The following FNBP1L variants were observed in gnomAD, a reference collection of about 807,000 sequenced individuals.
The protein encoded by FNBP1L is formin-binding protein 1-like.
In FNBP1L, 36 loss-of-function variants were observed where a neutral mutation model predicts 91.2. The ratio of observed to expected loss-of-function variants is 0.39; its 90% CI spans 0.30 to 0.52. The LOEUF (loss-of-function observed/expected upper bound fraction) is 0.52, where lower values mean the gene tolerates loss of function less well. Ranked by LOEUF, FNBP1L falls within the 20% of genes least tolerant of loss-of-function variation. FNBP1L has a pLI of 0.66. For synonymous variants in FNBP1L, 242 were observed against 237.0 expected (o/e 1.02, Z -0.19); for missense variants, 571 against 732.1 (o/e 0.78, Z 2.54).
chr1:93,490,443 G>T (rs1670055196), intron 1 of FNBP1L, among the ~76,000 whole-genome samples: 2 of 152,132 alleles, frequency 1.3e-5, no homozygotes, highest in Admixed American at 1.3e-4. Context: ...GAGCTTTCTT[G>T]AGTTTACATA....
intron 2 of FNBP1L, among the ~76,000 whole-genome samples, chr1:93,520,897 C>G (rs550986111): frequency 7.9e-5 from 12 of 152,230 alleles, no homozygotes; most frequent in African/African-American, 2.9e-4. Flanking sequence ...CAAAAATCAG[C>G]TGGGTGTGGT....
At chr1:93,484,956 C>T (rs969068259) in intron 1 of FNBP1L, among the ~76,000 whole-genome samples, 6 of 152,032 alleles carry the variant, frequency 3.9e-5, no homozygotes, top group African/African-American at 1.5e-4. Flanking sequence ...TGTTCGAGAC[C>T]AGCCTAGCCA....
intron 2 of FNBP1L, among the ~76,000 whole-genome samples, chr1:93,510,330 AC>A (rs1485729686): frequency 1.3e-5 from 2 of 152,036 alleles, no homozygotes; most frequent in Non-Finnish European, 2.9e-5. Context: ...ACTGGGAGGC[AC>A]CCCCCAGCAG....
At position 93,523,335 on chromosome 1, in the gene FNBP1L, T is replaced by A; in HGVS notation, c.195-9T>A. ...AGTAAGTCTCACCATTTTGAAATGT[T>A]TTTGCCAGGTTTACCTCGTGTGTAG... On this transcript the variant is annotated splice_polypyrimidine_tract_variant and intron_variant, in intron 3 of 16. Transcript: ENST00000271234. The A allele has an allele frequency of 6.3e-7, 1 of 1,593,454 alleles. No homozygotes were observed. Among genetic ancestry groups the A allele is most frequent in the South Asian group, 1.2e-5 (1 of 86,904 alleles).
chr1:93,455,697 G>A (rs1264097577), intron 1 of FNBP1L, among the ~76,000 whole-genome samples: 1 of 152,174 alleles, frequency 6.6e-6, no homozygotes. Flanking sequence ...TGTACTAAGA[G>A]TATTCTAATA....
chr1:93,458,878 A>G (rs1221441657), intron 1 of FNBP1L, among the ~76,000 whole-genome samples: 2 of 152,212 alleles, frequency 1.3e-5, no homozygotes, highest in African/African-American at 4.8e-5. Context: ...TAATTTATAA[A>G]TTGAACTTTA....
chr1:93,467,774 A>G (rs1296678137), intron 1 of FNBP1L, among the ~76,000 whole-genome samples: 1 of 152,110 alleles, frequency 6.6e-6, no homozygotes, highest in East Asian at 1.9e-4. Flanking sequence ...CAACATAACA[A>G]GACCCCAGCT....
At chr1:93,543,979 AGG>A (rs1672132691) in intron 11 of FNBP1L, 126 bp from the exon 12 acceptor site, 2 of 487,146 alleles carry the variant, frequency 4.1e-6, no homozygotes, top group South Asian at 8.9e-5. Flanking sequence ...TTTTTTTTTA[AGG>A]GGTTGCTTGA....
intron 1 of FNBP1L, among the ~76,000 whole-genome samples, chr1:93,461,568 A>G (rs1394717320): frequency 6.6e-6 from 1 of 152,134 alleles, no homozygotes; most frequent in East Asian, 1.9e-4. Flanking sequence ...AAAGCAGGGA[A>G]CAACATCAAC....
In FNBP1L at chr1:93,549,321, G is replaced by T; in HGVS notation, c.1546G>T (p.Gly516Trp). 1 of 1,612,170 alleles carries T rather than the reference G, an allele frequency of 6.2e-7. No homozygotes were observed. Residue 516 changes from glycine (G) to tryptophan (W), a missense_variant, in exon 15 of 17, where the codon GGG becomes TGG. This residue lies in a region of FNBP1L where 189 missense variants were observed against 219.7 expected (regional missense o/e 0.86). Coordinates refer to ENST00000271234, the MANE Select transcript of FNBP1L (RefSeq NM_001164473.3). ...YTDDANQEVR[G>W]PPQQHGHHNE... is the part of the protein sequence containing the mutation. The stretch of plus-strand genomic sequence containing the variant: ...TGATGATGCAAACCAGGAAGTCCGT[G>T]GGCCACCCCAGCAGCATGGTCACCA...
chr1:93,517,739 C>T (rs1453862566), intron 2 of FNBP1L, among the ~76,000 whole-genome samples: 1 of 151,652 alleles, frequency 6.6e-6, no homozygotes, highest in Admixed American at 6.6e-5. Flanking sequence ...ACTCTTCTTC[C>T]TTCCCTGTTA....
chr1:93,514,089 A>C (rs1402038637), intron 2 of FNBP1L, among the ~76,000 whole-genome samples: 2 of 151,580 alleles, frequency 1.3e-5, no homozygotes, highest in East Asian at 3.9e-4. Flanking sequence ...ATACAAAATC[A>C]ATGTACAAAA....
chr1:93,525,678 G>C (rs1205335350), intron 5 of FNBP1L, among the ~76,000 whole-genome samples: 1 of 152,066 alleles, frequency 6.6e-6, no homozygotes, highest in Non-Finnish European at 1.5e-5. Context: ...ATTGACCGTT[G>C]TTAAGCAAAA....
At chr1:93,489,244 T>C (rs1670017764) in intron 1 of FNBP1L, among the ~76,000 whole-genome samples, 1 of 151,782 alleles carries the variant, frequency 6.6e-6, no homozygotes, top group East Asian at 1.9e-4. Flanking sequence ...AATGACGGCT[T>C]AGGGAATCCA....
At chr1:93,543,990 G>GTATCATTAAAAA in intron 11 of FNBP1L, 117 bp from the exon 12 acceptor site, 6 of 568,078 alleles carry the variant, frequency 1.1e-5, no homozygotes, top group South Asian at 5.2e-5. Context: ...GGGGTTGCTT[G>GTATCATTAAAAA]AGGCAAATTT....
intron 2 of FNBP1L, among the ~76,000 whole-genome samples, chr1:93,518,356 C>T (rs1435509909): frequency 6.6e-6 from 1 of 152,140 alleles, no homozygotes; most frequent in Non-Finnish European, 1.5e-5. Context: ...GCAGCCTGTC[C>T]TCCCACATCT....
chr1:93,515,804 AC>A (rs1286232883), intron 2 of FNBP1L, among the ~76,000 whole-genome samples: 1 of 151,828 alleles, frequency 6.6e-6, no homozygotes, highest in African/African-American at 2.4e-5. Context: ...TGGGAGATAT[AC>A]GTAATGCTAG....
chr1:93,459,717 T>A (rs145919856), intron 1 of FNBP1L, among the ~76,000 whole-genome samples: 40 of 152,312 alleles, frequency 2.6e-4, no homozygotes, highest in Admixed American at 5.9e-4. Context: ...ATCCCACTTC[T>A]GTGTATTTAT....
intron 11 of FNBP1L, 139 bp downstream of exon 11, chr1:93,541,195 C>A: frequency 1.4e-6 from 1 of 706,210 alleles, no homozygotes; most frequent in Non-Finnish European, 2.4e-6. Flanking sequence ...GTTTCATAGT[C>A]CAGCATATGC....
Sources: allele counts gnomAD v4.1 joint callset (sites outside exome capture counted in the v4.1 genomes callset), GRCh38; gene constraint gnomAD v4.1.1; regional missense constraint gnomAD v4.1.1; transcripts MANE v1.5; gene names NCBI Gene and HGNC (gene_info 2026-07-23, HGNC 2026-07-21).